ANKRD31: variants seen among roughly 807,000 people sequenced by gnomAD.
ANKRD31 encodes ankyrin repeat domain 31.
In ANKRD31, 147 loss-of-function variants were observed where a neutral mutation model predicts 186.0. The ratio of observed to expected loss-of-function variants is 0.79; its 90% CI spans 0.69 to 0.91. The LOEUF is 0.91. Among genes scored for constraint, ANKRD31 ranks in the 40% least tolerant of loss-of-function variants. The pLI, the probability that ANKRD31 is intolerant of heterozygous loss-of-function variation, is 0.00. For synonymous variants in ANKRD31, 673 were observed against 736.4 expected (o/e 0.91, Z 1.39); for missense variants, 1,986 against 2,148.8 (o/e 0.92, Z 1.50).
At chr5:75,130,170 C>A (rs1749651948) in intron 17 of ANKRD31, among the ~76,000 whole-genome samples, 1 of 152,178 alleles carries the variant, frequency 6.6e-6, no homozygotes, top group African/African-American at 2.4e-5. Flanking sequence ...AGTGTTACAG[C>A]TCTTAAAGGT....
intron 23 of ANKRD31, among the ~76,000 whole-genome samples, chr5:75,088,825 T>A (rs956351891): frequency 6.6e-6 from 1 of 152,204 alleles, no homozygotes; most frequent in Admixed American, 6.5e-5. Flanking sequence ...TGCGTAAAAC[T>A]GCTTTATAAA....
At chr5:75,230,370 G>A (rs1181278717) in intron 2 of ANKRD31, among the ~76,000 whole-genome samples, 192 bp downstream of exon 2, 3 of 152,080 alleles carry the variant, frequency 2.0e-5, no homozygotes, top group Non-Finnish European at 4.4e-5. Flanking sequence ...TTAGAAGTTC[G>A]GTGATGTTCT....
intron 22 of ANKRD31, among the ~76,000 whole-genome samples, chr5:75,100,469 G>C (rs997708608): frequency 4.6e-5 from 7 of 152,116 alleles, no homozygotes; most frequent in Non-Finnish European, 8.8e-5. Flanking sequence ...TTCAATTCCT[G>C]CATATCCTTG....
At chr5:75,235,748 G>A (rs11955901) in intron 1 of ANKRD31, among the ~76,000 whole-genome samples, 7,441 of 152,198 alleles carry the variant, frequency 0.049, 397 homozygotes, top group African/African-American at 0.13. Flanking sequence ...AAAAGGGATC[G>A]GTATTGCCTG....
chr5:75,092,718 A>G (rs1274463233), intron 22 of ANKRD31, among the ~76,000 whole-genome samples: 2 of 152,238 alleles, frequency 1.3e-5, no homozygotes, highest in African/African-American at 2.4e-5. Flanking sequence ...ACAGCAAAGT[A>G]TGACACACAC....
At chr5:75,170,856 C>T (rs1399944926) in intron 10 of ANKRD31, among the ~76,000 whole-genome samples, 2 of 151,826 alleles carry the variant, frequency 1.3e-5, no homozygotes, top group Non-Finnish European at 2.9e-5. Context: ...TAGTAGAGTT[C>T]AAGATAAAGT....
chr5:75,140,554 G>A (rs1285229086), intron 15 of ANKRD31, among the ~76,000 whole-genome samples: 1 of 152,162 alleles, frequency 6.6e-6, no homozygotes, highest in African/African-American at 2.4e-5. Flanking sequence ...TTATGACTTT[G>A]TGTACTCTTC....
intron 10 of ANKRD31, among the ~76,000 whole-genome samples, chr5:75,176,430 G>A (rs1753805628): frequency 6.6e-6 from 1 of 152,208 alleles, no homozygotes; most frequent in African/African-American, 2.4e-5. Context: ...AGAGCAGACT[G>A]CCTCTTCAAG....
At chr5:75,124,701 T>C (rs1207735112) in intron 17 of ANKRD31, among the ~76,000 whole-genome samples, 1 of 152,180 alleles carries the variant, frequency 6.6e-6, no homozygotes, top group African/African-American at 2.4e-5. Context: ...TCCATGTTGT[T>C]AAGTGAAAAC....
chr5:75,224,575 T>C (rs1331354307), intron 2 of ANKRD31, among the ~76,000 whole-genome samples: 1 of 151,988 alleles, frequency 6.6e-6, no homozygotes, highest in Non-Finnish European at 1.5e-5. Context: ...CAATAAATGA[T>C]ATTAGGAAAA....
intron 10 of ANKRD31, among the ~76,000 whole-genome samples, chr5:75,177,709 G>T (rs1753921778): frequency 1.3e-5 from 2 of 152,130 alleles, no homozygotes; most frequent in African/African-American, 2.4e-5. Flanking sequence ...CACCAGGCCT[G>T]CCCTAAAAGA....
chr5:75,182,741 A>G (rs376161259), intron 10 of ANKRD31, among the ~76,000 whole-genome samples: 1 of 152,024 alleles, frequency 6.6e-6, no homozygotes, highest in African/African-American at 2.4e-5. Context: ...AAAAGACTAA[A>G]ATGTCTACTA....
At chr5:75,187,589 A>G (rs909865258) in intron 10 of ANKRD31, among the ~76,000 whole-genome samples, 1 of 152,166 alleles carries the variant, frequency 6.6e-6, no homozygotes, top group African/African-American at 2.4e-5. Context: ...AAAGAACCGC[A>G]TATCTCTTGA....
chr5:75,088,269 G>A (rs935206740), intron 23 of ANKRD31, among the ~76,000 whole-genome samples: 2 of 152,168 alleles, frequency 1.3e-5, no homozygotes, highest in African/African-American at 2.4e-5. Context: ...ACAGAAAAAA[G>A]TGATCACTAA....
intron 19 of ANKRD31, among the ~76,000 whole-genome samples, chr5:75,113,291 G>A (rs1372994800): frequency 6.6e-6 from 1 of 152,134 alleles, no homozygotes; most frequent in Non-Finnish European, 1.5e-5. Flanking sequence ...GACAATGTCA[G>A]CACAAAGTAA....
rs2150251017 is a variant in ANKRD31, at chr5:75,195,892, CA to C, written c.755del (p.Met252ArgfsTer4). 5.2e-6 allele frequency: 3 copies of C among 571,740 alleles called. No homozygotes were observed. In the African/African-American group the frequency reaches 1.1e-3, roughly 218 times the overall value. 35.4% of individuals were successfully genotyped at this position (571,740 alleles called of 1,614,324 possible). On this transcript the variant is annotated frameshift_variant, in exon 7 of 26. Transcript: ENST00000506364. LOFTEE classifies it high-confidence loss of function. ...AACTAAGAGAGTCACTCAATGGGTT[CA>C]TCAATTCTTTACGATCAAAATCACT... ...LVSDFDRKEL[M>X]NPLSDSLSSI...
At chr5:75,116,081 A>G (rs377476488) in intron 19 of ANKRD31, among the ~76,000 whole-genome samples, 1 of 151,560 alleles carries the variant, frequency 6.6e-6, no homozygotes, top group African/African-American at 2.4e-5. Flanking sequence ...ATGCAGCCAT[A>G]AAAAAGGATG....
Position 75,151,628 on chromosome 5 carries a change from C to G in ANKRD31, c.1852+2573G>C, listed in dbSNP as rs150611285. ...AAATCTCTTTCCTTTATAAGTTACC[C>G]AGTCTCAGGTATGTCTATTAGCAGC... is the stretch of plus-strand genomic sequence containing the variant. On this transcript the variant is annotated intron_variant, in intron 12 of 25. Coordinates refer to ENST00000506364, the MANE Select transcript of ANKRD31 (RefSeq NM_001372053.1). 2.2e-3 allele frequency among the ~76,000 whole-genome samples: 333 copies of G among 152,164 alleles called. 1 individual carries two copies. Among genetic ancestry groups the G allele is most frequent in the African/African-American group, 7.6e-3 (316 of 41,538 alleles).
At chr5:75,105,477 T>C (rs1747262184) in intron 21 of ANKRD31, among the ~76,000 whole-genome samples, 1 of 152,138 alleles carries the variant, frequency 6.6e-6, no homozygotes, top group South Asian at 2.1e-4. Context: ...GACAGTAAGG[T>C]TATCAAGATT....
Sources: gnomAD v4.1 joint callset for allele counts (sites outside exome capture counted in the v4.1 genomes callset) on GRCh38, gnomAD v4.1.1 for gene constraint, MANE v1.5 for transcripts, NCBI Gene and HGNC (gene_info 2026-07-23, HGNC 2026-07-21) for gene names.